Variants in HIBCH observed in about 807,000 individuals in gnomAD.
HIBCH encodes 3-hydroxyisobutyryl-CoA hydrolase.
HIBCH carries 50 observed loss-of-function variants against 58.2 expected under a neutral mutation model. That is an observed-to-expected ratio of 0.86 (90% CI 0.68 to 1.09). The LOEUF is 1.09. HIBCH is among the 50% of genes least tolerant of loss of function. The probability of loss-of-function intolerance (pLI) is 0.00; values close to 1 mark genes in which losing one functional copy is unlikely to be tolerated. For synonymous variants in HIBCH, 151 were observed against 146.9 expected (o/e 1.03, Z -0.20); for missense variants, 450 against 449.7 (o/e 1.00, Z -0.01).
chr2:190,219,307 T>C (rs936452331), intron 11 of HIBCH, among the ~76,000 whole-genome samples: 6 of 151,928 alleles, frequency 3.9e-5, no homozygotes, highest in Non-Finnish European at 8.8e-5. Flanking sequence ...AAGGAGAGAA[T>C]TGAAGGAAAT....
exon 2 of HIBCH, chr2:190,189,864 T>C (rs1057383859): frequency 6.6e-5 from 10 of 152,252 alleles, no homozygotes; most frequent in African/African-American, 2.4e-4. Flanking sequence ...GCTTTTGCTC[T>C]TCGGTAGGCC....
intron 6 of HIBCH, among the ~76,000 whole-genome samples, chr2:190,284,824 T>A (rs1394722030): frequency 7.9e-5 from 12 of 152,210 alleles, no homozygotes; most frequent in Non-Finnish European, 1.8e-4. Context: ...TCTTTTCACT[T>A]ATCTGAAATT....
In HIBCH at chr2:190,215,605, A is replaced by G. The variant is rs1690610272; in HGVS notation, c.892-2530T>C. 6.6e-6 allele frequency: 1 copy of G among 152,222 alleles called. No homozygotes were observed. The allele number at this position is 152,222 out of a possible 1,614,324, so 9.4% of individuals were successfully genotyped here. A position where few individuals can be genotyped will look rare whatever the true frequency, so the allele number is the denominator to read the frequency against. ...GGCCTGATATTACTAAGAAACTGCA[A>G]AAGGTTAATGGATGGAATGAAAAAC... On this transcript the variant is annotated intron_variant, in intron 11 of 13. Transcript: ENST00000359678. This position sits in a 1 kb window ranked among gnomAD's most constrained non-coding sequence, Gnocchi z 4.4.
rs562649365 is a variant in HIBCH at position 190,256,216 on chromosome 2, A to C, written c.518-3909T>G. On this transcript the variant is annotated intron_variant, in intron 7 of 13. Transcript: ENST00000359678. ...TTCAAGATGAGATTTGGGTGAGGAC[A>C]CAACGCCTAACCATATCACTACATG... Among the ~76,000 whole-genome samples, 4 of 152,256 alleles carry C rather than the reference A, an allele frequency of 2.6e-5. No individual in the cohort carries two copies. The South Asian group carries it at 8.3e-4, about 32-fold the overall frequency.
intron 2 of HIBCH, among the ~76,000 whole-genome samples, chr2:190,300,319 A>T (rs890701529): frequency 6.6e-6 from 1 of 152,138 alleles, no homozygotes; most frequent in Admixed American, 6.6e-5. Flanking sequence ...CATCCTCACC[A>T]GCATCTGTTA....
rs1418516018 is a variant in HIBCH, at chr2:190,281,925, A to G, written c.438+5661T>C. ...TATTACAAGGATGCTCTTTACTCCA[A>G]TATCTTGTTCCTCATTTTCATCCGG... On this transcript the variant is annotated intron_variant, in intron 6 of 13. Coordinates refer to ENST00000359678, the MANE Select transcript of HIBCH (RefSeq NM_014362.4). This position sits in a 1 kb window ranked among gnomAD's most constrained non-coding sequence, Gnocchi z 5.4. Among the ~76,000 whole-genome samples the G allele has an allele frequency of 2.0e-5, 3 of 152,086 alleles. No homozygotes were observed. Among genetic ancestry groups the G allele is most frequent in the Non-Finnish European group, 2.9e-5 (2 of 67,994 alleles).
chr2:190,268,537 G>GTGA (rs527997984), intron 6 of HIBCH, among the ~76,000 whole-genome samples: 97 of 152,266 alleles, frequency 6.4e-4, no homozygotes, highest in Middle Eastern at 3.4e-3. Flanking sequence ...TTTTAATTAA[G>GTGA]AAACCTAGCT....
chr2:190,288,830 A>G (rs2664266), intron 5 of HIBCH, among the ~76,000 whole-genome samples: 109,698 of 151,794 alleles, frequency 0.72, 40,109 homozygotes, highest in South Asian at 0.75. Flanking sequence ...AACTTACACC[A>G]CACCAGGTGC....
Position 190,197,990 on chromosome 2 carries a change from A to AATCATAACATGCTGATGATTAACAACC in HIBCH, c.*17+7083_*17+7109dup, listed in dbSNP as rs1690058454. ...ACAGTAAAAACTAGACACTATGAAA[A>AATCATAACATGCTGATGATTAACAACC]ATCATAACATGCTGATGATTAACAA... On this transcript the variant is annotated intron_variant, in intron 1 of 1. Transcript: ENST00000399855. The surrounding 1 kb of genome is among the most constrained non-coding windows in gnomAD (Gnocchi z 4.0). Among the ~76,000 whole-genome samples the AATCATAACATGCTGATGATTAACAACC allele has an allele frequency of 6.6e-6, 1 of 152,172 alleles. No individual in the cohort carries two copies. The highest frequency in any genetic ancestry group is 1.5e-5 in the Non-Finnish European group (1 of 68,032).
intron 8 of HIBCH, 128 bp from the exon 9 acceptor site, chr2:190,249,854 C>T (rs979175911): frequency 1.5e-6 from 1 of 682,860 alleles, no homozygotes; most frequent in African/African-American, 1.8e-5. Flanking sequence ...TCAGGTGAAT[C>T]ACTGAAAGAA....
intron 1 of HIBCH, among the ~76,000 whole-genome samples, chr2:190,196,458 C>A (rs989232781): frequency 1.1e-4 from 16 of 148,418 alleles, no homozygotes; most frequent in Admixed American, 5.4e-4. Flanking sequence ...CCTTTATTTT[C>A]TTGGGTATAC....
At position 190,298,407 on chromosome 2, in the gene HIBCH, G is replaced by A. The variant is rs536711227; in HGVS notation, c.79-1454C>T. On this transcript the variant is annotated intron_variant, in intron 2 of 13. Transcript: ENST00000359678. ...TTCTTATTTCTCCGCAGCCTCACCA[G>A]CATCTGTTGTTGCCTGACTTTTTAA... Among the ~76,000 whole-genome samples, 11 of 152,280 alleles carry A rather than the reference G, an allele frequency of 7.2e-5. No individual in the cohort carries two copies. The South Asian group carries it at 2.3e-3, about 32-fold the overall frequency.
chr2:190,290,668 T>G (rs909366150), intron 4 of HIBCH, among the ~76,000 whole-genome samples, 183 bp from the exon 5 acceptor site: 1 of 152,176 alleles, frequency 6.6e-6, no homozygotes, highest in Non-Finnish European at 1.5e-5. Context: ...TAGTCCAATG[T>G]CAAAGCTTCA....
Position 190,254,481 on chromosome 2 carries a change from G to A in HIBCH, c.518-2174C>T, listed in dbSNP as rs1686868702. ...AACCAAGTTTGTGGTATTTTGTTATGCAGCCCTAAAAGTTTAATACACTGC... is the reference window on the plus strand; with the variant it reads ...AACCAAGTTTGTGGTATTTTGTTATACAGCCCTAAAAGTTTAATACACTGC... On this transcript the variant is annotated intron_variant, in intron 7 of 13. Transcript: ENST00000359678. This position sits in a 1 kb window ranked among gnomAD's most constrained non-coding sequence, Gnocchi z 5.0. Among the ~76,000 whole-genome samples, 1 of 152,142 alleles carries A rather than the reference G, an allele frequency of 6.6e-6. No individual in the cohort carries two copies. The highest frequency in any genetic ancestry group is 2.1e-4 in the South Asian group (1 of 4,816).
intron 7 of HIBCH, among the ~76,000 whole-genome samples, chr2:190,255,971 A>G (rs1425467846): frequency 6.6e-6 from 1 of 152,212 alleles, no homozygotes; most frequent in Non-Finnish European, 1.5e-5. Context: ...AGGCCTCAGG[A>G]AACTTACGAT....
chr2:190,286,069 T>G (rs1433891450), intron 6 of HIBCH, among the ~76,000 whole-genome samples: 1 of 152,062 alleles, frequency 6.6e-6, no homozygotes, highest in Admixed American at 6.5e-5. Context: ...CTCGAACTCC[T>G]AGCCTCAAGC....
At chr2:190,319,291 G>A (rs1688785856) in intron 1 of HIBCH, among the ~76,000 whole-genome samples, 1 of 152,214 alleles carries the variant, frequency 6.6e-6, no homozygotes, top group Admixed American at 6.5e-5. Flanking sequence ...CAAGAAAGCT[G>A]AATAAAATCA....
rs1575719398 is a variant in HIBCH, at chr2:190,243,626, C to T, written c.891+1261G>A. ...CTTGAAAGTTAACAAAATTTTAATACTGTATAAGATCCCATGGGAGAAATT... is the reference window on the plus strand; with the variant it reads ...CTTGAAAGTTAACAAAATTTTAATATTGTATAAGATCCCATGGGAGAAATT... On this transcript the variant is annotated intron_variant, in intron 11 of 13. Coordinates refer to ENST00000359678, the MANE Select transcript of HIBCH (RefSeq NM_014362.4). The surrounding 1 kb of genome is among the most constrained non-coding windows in gnomAD (Gnocchi z 4.1). 6.6e-6 allele frequency among the ~76,000 whole-genome samples: 1 copy of T among 152,118 alleles called. No homozygotes were observed. The highest frequency in any genetic ancestry group is 1.9e-4 in the East Asian group (1 of 5,200).
chr2:190,269,672 C>A (rs1687336077), intron 6 of HIBCH, among the ~76,000 whole-genome samples: 1 of 152,128 alleles, frequency 6.6e-6, no homozygotes, highest in South Asian at 2.1e-4. Context: ...GGTGATTTCT[C>A]AAGGATCTAG....
Sources: allele counts gnomAD v4.1 joint callset (sites outside exome capture counted in the v4.1 genomes callset), GRCh38; gene constraint gnomAD v4.1.1; non-coding constraint Gnocchi (gnomAD v3.1); transcripts MANE v1.5; gene names NCBI Gene and HGNC (gene_info 2026-07-23, HGNC 2026-07-21).